Variants in DSCAM observed in about 807,000 individuals in gnomAD.
DSCAM encodes the protein cell adhesion molecule DSCAM.
Under a neutral mutation model 217.7 loss-of-function variants are expected in DSCAM, and 47 were observed. The ratio of observed to expected loss-of-function variants is 0.22; its 90% CI spans 0.17 to 0.28. DSCAM has a LOEUF of 0.28. DSCAM is among the 10% of genes least tolerant of loss of function. The probability of loss-of-function intolerance (pLI) is 1.00; values close to 1 mark genes in which losing one functional copy is unlikely to be tolerated. For missense variants in DSCAM, 2,080 were observed against 2,618.3 expected (o/e 0.79, Z 4.49); for synonymous variants, 1,056 against 1,015.3 (o/e 1.04, Z -0.76).
At chr21:40,345,463 G>T (rs1180591299) in intron 6 of DSCAM, among the ~76,000 whole-genome samples, 1 of 152,044 alleles carries the variant, frequency 6.6e-6, no homozygotes, top group Non-Finnish European at 1.5e-5. Flanking sequence ...TGGGAGTTAG[G>T]CTGATATATG....
chr21:40,125,044 C>A (rs2090079330), intron 19 of DSCAM, among the ~76,000 whole-genome samples: 1 of 152,162 alleles, frequency 6.6e-6, no homozygotes, highest in South Asian at 2.1e-4. Context: ...CTACCTCAGC[C>A]ATCAGAGACC....
chr21:40,714,825 G>A (rs193013569), intron 1 of DSCAM, among the ~76,000 whole-genome samples: 1 of 152,164 alleles, frequency 6.6e-6, no homozygotes, highest in South Asian at 2.1e-4. Context: ...AGAATACCAC[G>A]ATTTGAATGT....
At chr21:40,101,852 C>T (rs1415600909) in intron 20 of DSCAM, among the ~76,000 whole-genome samples, 2 of 151,830 alleles carry the variant, frequency 1.3e-5, no homozygotes, top group Non-Finnish European at 2.9e-5. Context: ...GGGATGTTGG[C>T]GAGAGTTATA....
At chr21:40,565,339 G>A (rs1168196610) in intron 3 of DSCAM, among the ~76,000 whole-genome samples, 1 of 151,828 alleles carries the variant, frequency 6.6e-6, no homozygotes, top group East Asian at 1.9e-4. Flanking sequence ...CTGTGACTAC[G>A]TAATAAACTC....
intron 19 of DSCAM, among the ~76,000 whole-genome samples, chr21:40,129,071 T>G (rs73362132): frequency 6.6e-6 from 1 of 151,964 alleles, no homozygotes; most frequent in Admixed American, 6.6e-5. Context: ...GTCAGCTTCA[T>G]TTTTTTTCAC....
At chr21:40,296,586 C>T (rs1569048020) in intron 9 of DSCAM, among the ~76,000 whole-genome samples, 1 of 152,022 alleles carries the variant, frequency 6.6e-6, no homozygotes, top group Non-Finnish European at 1.5e-5. Flanking sequence ...AATCCCAACA[C>T]TTTGGGAGTC....
intron 3 of DSCAM, among the ~76,000 whole-genome samples, chr21:40,489,300 C>A (rs1238739026): frequency 6.6e-6 from 1 of 152,160 alleles, no homozygotes; most frequent in Non-Finnish European, 1.5e-5. Flanking sequence ...CAAAATAATT[C>A]TTCTGCTGAT....
intron 3 of DSCAM, among the ~76,000 whole-genome samples, chr21:40,637,899 G>A (rs1173054374): frequency 1.3e-5 from 2 of 151,562 alleles, no homozygotes; most frequent in African/African-American, 2.4e-5. Flanking sequence ...GGTCAGGCAG[G>A]TCTTGAACTC....
At chr21:40,388,198 A>G (rs1030647370) in intron 3 of DSCAM, among the ~76,000 whole-genome samples, 1 of 152,238 alleles carries the variant, frequency 6.6e-6, no homozygotes, top group Non-Finnish European at 1.5e-5. Flanking sequence ...GCTTCCAGAA[A>G]AGAAATTGTA....
chr21:40,498,781 G>GTATATATA (rs1166919235), intron 3 of DSCAM, among the ~76,000 whole-genome samples: 1 of 26,050 alleles, frequency 3.8e-5, no homozygotes, highest in South Asian at 1.8e-3. Flanking sequence ...ATATGGGTGT[G>GTATATATA]TATATATATA....
intron 3 of DSCAM, among the ~76,000 whole-genome samples, chr21:40,661,676 A>T (rs778053771): frequency 4.6e-5 from 7 of 152,204 alleles, no homozygotes; most frequent in Non-Finnish European, 8.8e-5. Flanking sequence ...ACACTAACAG[A>T]TTGCCCTAAC....
At chr21:40,812,810 T>C (rs565049494) in intron 1 of DSCAM, among the ~76,000 whole-genome samples, 1 of 152,164 alleles carries the variant, frequency 6.6e-6, no homozygotes, top group Non-Finnish European at 1.5e-5. Context: ...ACCCAGTTGA[T>C]ACAGAGACTA....
chr21:40,651,089 A>G (rs2090007515), intron 3 of DSCAM, among the ~76,000 whole-genome samples: 2 of 152,134 alleles, frequency 1.3e-5, no homozygotes, highest in Non-Finnish European at 2.9e-5. Flanking sequence ...CTGAAACACT[A>G]TGGCTAGGAT....
chr21:40,798,671 G>T (rs2091712766), intron 1 of DSCAM, among the ~76,000 whole-genome samples: 1 of 152,042 alleles, frequency 6.6e-6, no homozygotes, highest in South Asian at 2.1e-4. Flanking sequence ...CTGATGTGAA[G>T]AAAATGTTCA....
At chr21:40,160,815 A>G (rs575556215) in intron 16 of DSCAM, among the ~76,000 whole-genome samples, 2 of 152,226 alleles carry the variant, frequency 1.3e-5, no homozygotes, top group Non-Finnish European at 2.9e-5. Context: ...CAAAGTGCCT[A>G]CACTTAGATT....
At chr21:40,429,044 G>C (rs917518283) in intron 3 of DSCAM, among the ~76,000 whole-genome samples, 1 of 152,106 alleles carries the variant, frequency 6.6e-6, no homozygotes, top group East Asian at 1.9e-4. Flanking sequence ...TGCTAGGCAA[G>C]GGAGATGAAC....
chr21:40,606,462 T>A (rs2089239930), intron 3 of DSCAM, among the ~76,000 whole-genome samples: 1 of 152,264 alleles, frequency 6.6e-6, no homozygotes, highest in African/African-American at 2.4e-5. Flanking sequence ...TTTTAAACAT[T>A]GCCCAGGTCA....
chr21:40,381,244 T>C (rs1022783708), intron 3 of DSCAM, among the ~76,000 whole-genome samples: 4 of 152,034 alleles, frequency 2.6e-5, no homozygotes, highest in Non-Finnish European at 4.4e-5. Flanking sequence ...TGGCTGTCCA[T>C]GGCTGACTTA....
rs565726883 is a variant in DSCAM at position 40,444,338 on chromosome 21, T to C, written c.509-75093A>G. The stretch of plus-strand genomic sequence containing the variant: ...TCTGGAACAGAGGTTTTAAATGTTT[T>C]TGTGTGGCTTGGCTTGTCTCTGACA... On this transcript the variant is annotated intron_variant, in intron 3 of 32. Transcript: ENST00000400454. Among the ~76,000 whole-genome samples the C allele has an allele frequency of 2.0e-5, 3 of 152,332 alleles. No individual in the cohort carries two copies. In the South Asian group the frequency reaches 6.2e-4, roughly 32 times the overall value.
Sources: gnomAD v4.1 joint callset for allele counts (sites outside exome capture counted in the v4.1 genomes callset) on GRCh38, gnomAD v4.1.1 for gene constraint, MANE v1.5 for transcripts, NCBI Gene and HGNC (gene_info 2026-07-23, HGNC 2026-07-21) for gene names.